The following INPP4B variants were observed in gnomAD, a reference collection of about 807,000 sequenced individuals.
The protein encoded by INPP4B is inositol polyphosphate 4-phosphatase type II.
In INPP4B, 55 loss-of-function variants were observed where a neutral mutation model predicts 122.5. The observed-to-expected ratio is 0.45, with a 90% CI of 0.36 to 0.56. The LOEUF is 0.56. INPP4B is among the 20% of genes least tolerant of loss of function. INPP4B has a pLI of 0.00. For missense variants in INPP4B, 1,000 were observed against 1,097.7 expected, an observed-to-expected ratio of 0.91 and a Z score of 1.26; for synonymous variants, 403 against 388.7, an observed-to-expected ratio of 1.04 and a Z score of -0.43.
chr4:142,262,712 G>T (rs953186209), intron 10 of INPP4B, among the ~76,000 whole-genome samples: 5 of 152,068 alleles, frequency 3.3e-5, no homozygotes, highest in African/African-American at 9.7e-5. Flanking sequence ...TATTTTTGAT[G>T]AATGAATGAT....
chr4:142,778,825 G>A (rs1195241609), intron 1 of INPP4B, among the ~76,000 whole-genome samples: 1 of 151,958 alleles, frequency 6.6e-6, no homozygotes, highest in African/African-American at 2.4e-5. Context: ...TATTCTTTCT[G>A]GATCTACAGT....
At chr4:142,093,397 T>G (rs2152571022) in intron 23 of INPP4B, among the ~76,000 whole-genome samples, 1 of 152,292 alleles carries the variant, frequency 6.6e-6, no homozygotes, top group African/African-American at 2.4e-5. Context: ...GATTCTGATT[T>G]TATAACAGTA....
intron 12 of INPP4B, among the ~76,000 whole-genome samples, chr4:142,211,914 C>T (rs896357252): frequency 2.6e-5 from 4 of 152,084 alleles, no homozygotes; most frequent in African/African-American, 9.7e-5. Flanking sequence ...TATGCTAATG[C>T]CTGGTCTTCA....
rs201556200 is a variant in INPP4B, at chr4:142,231,864, T to TA, written c.836+5999dup. The stretch of plus-strand genomic sequence containing the variant: ...AAAGAGGTAAAGGGTCAAGTTATTA[T>TA]AAAAAGAAAGTATAGGATTTTAAAA... On this transcript the variant is annotated intron_variant, in intron 12 of 25. Coordinates refer to ENST00000262992, the MANE Select transcript of INPP4B (RefSeq NM_001101669.3). Among the ~76,000 whole-genome samples the TA allele has an allele frequency of 2.8e-3, 429 of 152,232 alleles. 2 individuals are homozygous for TA. Among genetic ancestry groups the TA allele is most frequent in the African/African-American group, 9.5e-3 (394 of 41,530 alleles).
chr4:142,068,317 A>G (rs556685988), intron 25 of INPP4B, among the ~76,000 whole-genome samples: 1 of 152,326 alleles, frequency 6.6e-6, no homozygotes, highest in Admixed American at 6.5e-5. Flanking sequence ...GCCTTACAAG[A>G]GCTCCTCAAG....
intron 7 of INPP4B, among the ~76,000 whole-genome samples, chr4:142,328,601 C>G (rs917806407): frequency 2.6e-5 from 4 of 152,098 alleles, no homozygotes; most frequent in Admixed American, 1.3e-4. Flanking sequence ...AGGAGATTTA[C>G]AAAAATATAA....
At chr4:142,277,835 A>T (rs1022142720) in intron 9 of INPP4B, among the ~76,000 whole-genome samples, 1 of 151,926 alleles carries the variant, frequency 6.6e-6, no homozygotes, top group African/African-American at 2.4e-5. Context: ...GTATGTTCTC[A>T]CTAATAGGTG....
chr4:142,047,262 G>T (rs1353938089), intron 25 of INPP4B, among the ~76,000 whole-genome samples: 1 of 55,572 alleles, frequency 1.8e-5, no homozygotes, highest in African/African-American at 4.6e-5. Context: ...AGAGCCAAGA[G>T]AATTCTAAGG....
chr4:142,359,919 T>C (rs1156676829), intron 7 of INPP4B, among the ~76,000 whole-genome samples: 1 of 151,992 alleles, frequency 6.6e-6, no homozygotes, highest in Non-Finnish European at 1.5e-5. Context: ...TCTAGGTTTG[T>C]TTTCTGTGCC....
At chr4:142,756,088 T>C (rs1770475888) in intron 1 of INPP4B, among the ~76,000 whole-genome samples, 1 of 152,020 alleles carries the variant, frequency 6.6e-6, no homozygotes, top group Non-Finnish European at 1.5e-5. Flanking sequence ...CTGGGGTATA[T>C]GATATAGTGC....
chr4:142,061,673 G>T (rs191620290), intron 25 of INPP4B, among the ~76,000 whole-genome samples: 228 of 151,708 alleles, frequency 1.5e-3, no homozygotes, highest in African/African-American at 5.1e-3. Context: ...TATCTCAGGA[G>T]TCACAACGAT....
chr4:142,282,854 C>T (rs947948832), intron 9 of INPP4B, among the ~76,000 whole-genome samples: 6 of 151,980 alleles, frequency 3.9e-5, no homozygotes, highest in Non-Finnish European at 8.8e-5. Flanking sequence ...AGCAGCTGCA[C>T]CAGGGGCTGA....
At chr4:142,279,773 G>T (rs1011538356) in intron 9 of INPP4B, among the ~76,000 whole-genome samples, 75 of 151,958 alleles carry the variant, frequency 4.9e-4, no homozygotes, top group African/African-American at 1.4e-3. Flanking sequence ...CTGCAAATTT[G>T]CTCTGTCAAA....
chr4:142,745,489 T>C (rs1365976967), intron 1 of INPP4B, among the ~76,000 whole-genome samples: 2 of 151,952 alleles, frequency 1.3e-5, no homozygotes, highest in African/African-American at 2.4e-5. Flanking sequence ...GCTTTTATGC[T>C]ACAATGGCAG....
intron 1 of INPP4B, among the ~76,000 whole-genome samples, chr4:142,833,755 T>A (rs1237938339): frequency 6.6e-6 from 1 of 152,078 alleles, no homozygotes; most frequent in Non-Finnish European, 1.5e-5. Context: ...TTTGTTCAGT[T>A]GCATTCTAGC....
intron 5 of INPP4B, among the ~76,000 whole-genome samples, chr4:142,406,697 C>A (rs1055399875): frequency 3.3e-5 from 5 of 152,238 alleles, no homozygotes; most frequent in Non-Finnish European, 4.4e-5. Context: ...AAACCACATG[C>A]CTCTAGTAAC....
chr4:142,085,823 A>T (rs188631901), intron 24 of INPP4B, among the ~76,000 whole-genome samples: 1 of 152,320 alleles, frequency 6.6e-6, no homozygotes, highest in Admixed American at 6.5e-5. Flanking sequence ...GCAGTTCAAA[A>T]TCCTGGGTGA....
At chr4:142,686,686 T>C (rs952210187) in intron 2 of INPP4B, among the ~76,000 whole-genome samples, 2 of 152,124 alleles carry the variant, frequency 1.3e-5, no homozygotes. Flanking sequence ...ACAAAATGCA[T>C]TTCATAGATC....
chr4:142,396,397 A>G (rs1211801522), intron 7 of INPP4B, among the ~76,000 whole-genome samples: 3 of 152,176 alleles, frequency 2.0e-5, no homozygotes, highest in Non-Finnish European at 2.9e-5. Context: ...GAAAATGCCA[A>G]TTAAAACCAC....
Sources: allele counts gnomAD v4.1 joint callset (sites outside exome capture counted in the v4.1 genomes callset), GRCh38; gene constraint gnomAD v4.1.1; transcripts MANE v1.5; gene names NCBI Gene and HGNC (gene_info 2026-07-23, HGNC 2026-07-21).